PACS1: variants seen among roughly 807,000 people sequenced by gnomAD.
PACS1 encodes the protein phosphofurin acidic cluster sorting protein 1, also known as PACS-1.
Under a neutral mutation model 115.0 loss-of-function variants are expected in PACS1, and 24 were observed. The ratio of observed to expected loss-of-function variants is 0.21; its 90% CI spans 0.15 to 0.29. The LOEUF (loss-of-function observed/expected upper bound fraction) is 0.29. Among genes scored for constraint, PACS1 ranks in the 10% least tolerant of loss-of-function variants. The probability of loss-of-function intolerance (pLI) is 1.00; values close to 1 mark genes in which losing one functional copy is unlikely to be tolerated. For missense variants in PACS1, 838 were observed against 1,251.2 expected (o/e 0.67, Z 4.98); for synonymous variants, 453 against 504.5 (o/e 0.90, Z 1.37).
intron 1 of PACS1, among the ~76,000 whole-genome samples, chr11:66,126,301 C>T (rs1021293813): frequency 1.3e-5 from 2 of 152,098 alleles, no homozygotes; most frequent in Non-Finnish European, 1.5e-5. Flanking sequence ...CCTTGACTTC[C>T]AGTAATCAGG....
At chr11:66,114,417 C>CA (rs34972929) in intron 1 of PACS1, among the ~76,000 whole-genome samples, 93,670 of 131,990 alleles carry the variant, frequency 0.71, 33,816 homozygotes, top group Non-Finnish European at 0.81. Flanking sequence ...GACTCCGCCT[C>CA]AAAAAAAAAA....
intron 2 of PACS1, among the ~76,000 whole-genome samples, chr11:66,206,805 G>A (rs1854952265): frequency 6.6e-6 from 1 of 152,228 alleles, no homozygotes. Context: ...CAGGTATCTG[G>A]AGGAAGAGCC....
chr11:66,227,193 A>C (rs1855484580), intron 10 of PACS1, among the ~76,000 whole-genome samples: 1 of 152,136 alleles, frequency 6.6e-6, no homozygotes, highest in Non-Finnish European at 1.5e-5. Context: ...AGGGTCAAAG[A>C]CTTCATGGAT....
chr11:66,072,430 G>T (rs1423841009), intron 1 of PACS1, among the ~76,000 whole-genome samples: 3 of 152,260 alleles, frequency 2.0e-5, no homozygotes, highest in Middle Eastern at 3.4e-3. Context: ...CGCTCGCAGG[G>T]TATAGATCTG....
intron 1 of PACS1, among the ~76,000 whole-genome samples, chr11:66,163,617 G>A (rs556322971): frequency 6.6e-6 from 1 of 152,254 alleles, no homozygotes; most frequent in Admixed American, 6.5e-5. Context: ...TCTTTGAATA[G>A]GTAGCTATGA....
At position 66,114,133 on chromosome 11, in the gene PACS1, T is replaced by C. The variant is rs75274405; in HGVS notation, c.356+43291T>C. Among the ~76,000 whole-genome samples the C allele has an allele frequency of 1.5e-3, 233 of 152,200 alleles. 9 individuals carry two copies. The East Asian group carries it at 0.042, about 28-fold the overall frequency. Reference sequence around the variant, plus strand: ...TTTTTTTTCACATAAAAACGTATCTTGGGGGCTGGGTGCGGTGTCTCACGC... The same window carrying C: ...TTTTTTTTCACATAAAAACGTATCTCGGGGGCTGGGTGCGGTGTCTCACGC... On this transcript the variant is annotated intron_variant, in intron 1 of 23. Transcript: ENST00000320580.
intron 13 of PACS1, among the ~76,000 whole-genome samples, chr11:66,231,542 G>A (rs529234034): frequency 2.4e-4 from 36 of 152,308 alleles, no homozygotes; most frequent in African/African-American, 8.2e-4. Flanking sequence ...TTCCAGTTCT[G>A]CTAGGGTTAA....
At chr11:66,212,930 A>C (rs1054330604) in intron 4 of PACS1, among the ~76,000 whole-genome samples, 1 of 152,106 alleles carries the variant, frequency 6.6e-6, no homozygotes, top group African/African-American at 2.4e-5. Context: ...GCTCACTGCA[A>C]CCTCTACCTC....
At chr11:66,174,811 A>G (rs1027682932) in intron 1 of PACS1, among the ~76,000 whole-genome samples, 1 of 152,218 alleles carries the variant, frequency 6.6e-6, no homozygotes, top group Non-Finnish European at 1.5e-5. Flanking sequence ...TGATGGTTGC[A>G]CTATCTAACA....
intron 1 of PACS1, among the ~76,000 whole-genome samples, chr11:66,075,042 G>GCT (rs1857372645): frequency 7.0e-6 from 1 of 142,684 alleles, no homozygotes; most frequent in Non-Finnish European, 1.5e-5. Context: ...TCCCAGGTTC[G>GCT]CTCCATTCTC....
intron 1 of PACS1, among the ~76,000 whole-genome samples, chr11:66,182,730 A>G (rs760314575): frequency 1.6e-4 from 24 of 152,094 alleles, no homozygotes; most frequent in Non-Finnish European, 3.2e-4. Flanking sequence ...AGCTCAAGCA[A>G]TGCTCCTGCC....
chr11:66,140,792 T>G (rs1023716631), intron 1 of PACS1, among the ~76,000 whole-genome samples: 2 of 152,108 alleles, frequency 1.3e-5, no homozygotes, highest in African/African-American at 4.8e-5. Context: ...ATATAGTGTC[T>G]CTTTCTCACC....
At chr11:66,154,260 G>A (rs1439002141) in intron 1 of PACS1, among the ~76,000 whole-genome samples, 1 of 152,110 alleles carries the variant, frequency 6.6e-6, no homozygotes, top group African/African-American at 2.4e-5. Flanking sequence ...AACATAGTGA[G>A]ATCCCATCTC....
intron 1 of PACS1, among the ~76,000 whole-genome samples, chr11:66,182,053 A>G (rs538728583): frequency 2.4e-4 from 36 of 152,360 alleles, no homozygotes; most frequent in African/African-American, 7.9e-4. Flanking sequence ...CTCTTCTGCA[A>G]TACTAGAGGA....
chr11:66,172,360 G>A (rs1859759793), intron 1 of PACS1, among the ~76,000 whole-genome samples: 2 of 152,216 alleles, frequency 1.3e-5, no homozygotes, highest in East Asian at 1.9e-4. Context: ...GATGGAGCGT[G>A]ACTTCTGAGG....
At chr11:66,131,001 G>A (rs1018243565) in intron 1 of PACS1, among the ~76,000 whole-genome samples, 4 of 152,106 alleles carry the variant, frequency 2.6e-5, no homozygotes, top group African/African-American at 9.7e-5. Flanking sequence ...AGCCCAGGAC[G>A]TTCAGGCTGC....
intron 19 of PACS1, chr11:66,238,530 T>A (rs1164186378): frequency 2.8e-6 from 1 of 361,894 alleles, no homozygotes; most frequent in Non-Finnish European, 4.8e-6. Context: ...AGATGGAGTC[T>A]CGCTCTGTCG....
At chr11:66,215,990 G>A (rs946568877) in intron 4 of PACS1, 129 bp from the exon 5 acceptor site, 14 of 633,490 alleles carry the variant, frequency 2.2e-5, no homozygotes, top group Middle Eastern at 4.4e-4. Context: ...CAGTAGGCAT[G>A]GATTTGAAAG....
intron 7 of PACS1, chr11:66,217,491 C>T: frequency 2.2e-6 from 1 of 451,902 alleles, no homozygotes; most frequent in South Asian, 1.6e-5. Context: ...CCAGAGGCAT[C>T]CTGATTCTCC....
Sources: gnomAD v4.1 joint callset for allele counts (sites outside exome capture counted in the v4.1 genomes callset) on GRCh38, gnomAD v4.1.1 for gene constraint, MANE v1.5 for transcripts, NCBI Gene and HGNC (gene_info 2026-07-23, HGNC 2026-07-21) for gene names.